Variants in CSMD1 observed in about 807,000 individuals in gnomAD.
The protein encoded by CSMD1 is CUB and Sushi multiple domains 1.
CSMD1 carries 213 observed loss-of-function variants against 417.5 expected under a neutral mutation model. That is an observed-to-expected ratio of 0.51 (90% CI 0.46 to 0.57). The LOEUF (loss-of-function observed/expected upper bound fraction) is 0.57, where lower values mean the gene tolerates loss of function less well. CSMD1 is among the 20% of genes least tolerant of loss of function. The pLI is 0.00. For synonymous variants in CSMD1, 2,862 were observed against 1,736.8 expected (o/e 1.65, Z -16.11); for missense variants, 6,923 against 4,529.7 (o/e 1.53, Z -15.17).
chr8:3,453,283 T>C (rs1313339708), intron 12 of CSMD1, among the ~76,000 whole-genome samples: 2 of 152,220 alleles, frequency 1.3e-5, no homozygotes, highest in African/African-American at 4.8e-5. Flanking sequence ...TTCATTTTTT[T>C]TGAAGGGTTT....
chr8:4,173,898 G>A (rs893942292), intron 3 of CSMD1, among the ~76,000 whole-genome samples: 1 of 152,056 alleles, frequency 6.6e-6, no homozygotes, highest in African/African-American at 2.4e-5. Context: ...GAAGTTCTGG[G>A]CTCAGTACAC....
chr8:4,122,654 A>C (rs567472231), intron 3 of CSMD1, among the ~76,000 whole-genome samples: 1 of 152,286 alleles, frequency 6.6e-6, no homozygotes, highest in South Asian at 2.1e-4. Context: ...AAACCATGTG[A>C]GGCCAGGAAG....
intron 45 of CSMD1, 55 bp from the exon 46 acceptor site, chr8:3,106,696 G>T: frequency 9.5e-7 from 1 of 1,056,164 alleles, no homozygotes; most frequent in Non-Finnish European, 1.4e-6. Flanking sequence ...CTGAGTGTGT[G>T]AAGGTGTGAC....
intron 54 of CSMD1, among the ~76,000 whole-genome samples, chr8:2,990,113 G>T (rs1190912765): frequency 6.6e-6 from 1 of 152,184 alleles, no homozygotes; most frequent in Non-Finnish European, 1.5e-5. Flanking sequence ...CATTCTCAAT[G>T]GTTCCTTCAG....
intron 1 of CSMD1, among the ~76,000 whole-genome samples, chr8:4,802,376 T>C (rs779748203): frequency 2.6e-5 from 4 of 151,382 alleles, no homozygotes; most frequent in Admixed American, 6.6e-5. Context: ...TGTGTGTGTG[T>C]GTAGGGATAG....
intron 11 of CSMD1, among the ~76,000 whole-genome samples, chr8:3,493,190 A>T (rs1796207185): frequency 6.7e-6 from 1 of 149,148 alleles, no homozygotes; most frequent in Admixed American, 6.7e-5. Context: ...GCTACTCAGG[A>T]GGGTGAGGCA....
chr8:3,167,512 G>A (rs866800894), intron 37 of CSMD1, among the ~76,000 whole-genome samples: 9 of 152,146 alleles, frequency 5.9e-5, no homozygotes, highest in African/African-American at 1.4e-4. Context: ...GAAAGGAGGT[G>A]GGTCTTATGT....
chr8:4,986,477 A>C (rs551320668), intron 1 of CSMD1, among the ~76,000 whole-genome samples: 1 of 152,344 alleles, frequency 6.6e-6, no homozygotes, highest in African/African-American at 2.4e-5. Context: ...TGCAATTTAT[A>C]ATTAATTTCA....
intron 3 of CSMD1, among the ~76,000 whole-genome samples, chr8:4,261,620 G>C (rs1310031824): frequency 6.6e-6 from 1 of 151,954 alleles, no homozygotes; most frequent in Non-Finnish European, 1.5e-5. Flanking sequence ...ATGTTGCGCA[G>C]GCTAGTGTTG....
At chr8:4,167,898 C>G (rs1047789134) in intron 3 of CSMD1, among the ~76,000 whole-genome samples, 2 of 152,038 alleles carry the variant, frequency 1.3e-5, no homozygotes, top group Admixed American at 6.6e-5. Context: ...GAGGCTGAGG[C>G]AGGCGGACTG....
At chr8:4,536,860 A>G (rs1797127897) in intron 2 of CSMD1, among the ~76,000 whole-genome samples, 1 of 152,170 alleles carries the variant, frequency 6.6e-6, no homozygotes, top group African/African-American at 2.4e-5. Flanking sequence ...TGCATTTTGC[A>G]CAATAGTGCA....
chr8:4,091,650 G>A (rs1175550137), intron 3 of CSMD1, among the ~76,000 whole-genome samples: 1 of 152,118 alleles, frequency 6.6e-6, no homozygotes, highest in Non-Finnish European at 1.5e-5. Flanking sequence ...CCCACAACGA[G>A]TTCTTCAAAA....
At chr8:4,342,649 C>T (rs1800546479) in intron 3 of CSMD1, among the ~76,000 whole-genome samples, 1 of 151,990 alleles carries the variant, frequency 6.6e-6, no homozygotes, top group South Asian at 2.1e-4. Context: ...TTATTTTCAT[C>T]ACATGTGATG....
At chr8:3,056,556 G>A (rs1205711913) in intron 49 of CSMD1, among the ~76,000 whole-genome samples, 2 of 151,890 alleles carry the variant, frequency 1.3e-5, no homozygotes, top group Non-Finnish European at 2.9e-5. Context: ...TTTTTGGAGA[G>A]ACTGAGTCCC....
intron 3 of CSMD1, among the ~76,000 whole-genome samples, chr8:4,104,009 G>A (rs28742961): frequency 0.03 from 4,548 of 152,224 alleles, 210 homozygotes; most frequent in African/African-American, 0.094. Flanking sequence ...CTGCACACCT[G>A]CACAGGCCTG....
chr8:4,032,460 G>C (rs552656691), intron 3 of CSMD1, among the ~76,000 whole-genome samples: 1 of 152,306 alleles, frequency 6.6e-6, no homozygotes, highest in Admixed American at 6.5e-5. Context: ...ACCAGACACA[G>C]TAGACTATAG....
chr8:4,449,303 G>A (rs1798993149), intron 2 of CSMD1, among the ~76,000 whole-genome samples: 1 of 152,294 alleles, frequency 6.6e-6, no homozygotes. Flanking sequence ...AGGAGCAGAT[G>A]AAAAGACTCA....
At chr8:4,301,065 G>C (rs776375443) in intron 3 of CSMD1, among the ~76,000 whole-genome samples, 2 of 152,180 alleles carry the variant, frequency 1.3e-5, no homozygotes, top group Non-Finnish European at 2.9e-5. Flanking sequence ...AGCCAAATCA[G>C]GACTGTAAAG....
At chr8:2,998,673 A>G in intron 53 of CSMD1, among the ~76,000 whole-genome samples, 1 of 152,202 alleles carries the variant, frequency 6.6e-6, no homozygotes, top group East Asian at 1.9e-4. Flanking sequence ...TGAAATTAGC[A>G]AAATAACTAA....
Sources: allele counts gnomAD v4.1 joint callset (sites outside exome capture counted in the v4.1 genomes callset), GRCh38; gene constraint gnomAD v4.1.1; transcripts MANE v1.5; gene names NCBI Gene and HGNC (gene_info 2026-07-23, HGNC 2026-07-21).